The following PRDM4 variants were observed in gnomAD, a reference collection of about 807,000 sequenced individuals.
PRDM4 encodes the protein PR domain zinc finger protein 4.
Under a neutral mutation model 62.3 loss-of-function variants are expected in PRDM4, and 38 were observed. The ratio of observed to expected loss-of-function variants is 0.61; its 90% CI spans 0.47 to 0.80. PRDM4 has a LOEUF of 0.80. PRDM4 is among the 30% of genes least tolerant of loss of function. The pLI, the probability that PRDM4 is intolerant of heterozygous loss-of-function variation, is 0.00. For synonymous variants in PRDM4, 339 were observed against 348.2 expected, an observed-to-expected ratio of 0.97 and a Z score of 0.30; for missense variants, 858 against 997.1, an observed-to-expected ratio of 0.86 and a Z score of 1.88.
At chr12:107,747,951 C>T (rs1018714974) in intron 5 of PRDM4, among the ~76,000 whole-genome samples, 3 of 152,054 alleles carry the variant, frequency 2.0e-5, no homozygotes, top group Non-Finnish European at 4.4e-5. Context: ...CAGGGTTTTG[C>T]CATGTTGCCT....
chr12:107,736,825 T>TGAAG (rs909107666), intron 11 of PRDM4: 2 of 152,282 alleles, frequency 1.3e-5, no homozygotes, highest in South Asian at 2.1e-4. Flanking sequence ...GTTAGTTGAA[T>TGAAG]GAAGGAAGGA....
chr12:107,738,304 C>T (rs1481346153), intron 11 of PRDM4: 2 of 152,138 alleles, frequency 1.3e-5, no homozygotes, highest in African/African-American at 2.4e-5. Flanking sequence ...AAATTTCATG[C>T]TAGCAATGGA....
intron 11 of PRDM4, chr12:107,739,152 A>T (rs779240344): frequency 3.3e-4 from 147 of 445,854 alleles, no homozygotes; most frequent in Admixed American, 5.1e-4. Context: ...AAAAAAGAGT[A>T]CATGTGAAAA....
intron 3 of PRDM4, among the ~76,000 whole-genome samples, chr12:107,756,268 A>G (rs1427725710): frequency 6.6e-6 from 1 of 152,180 alleles, no homozygotes; most frequent in Non-Finnish European, 1.5e-5. Context: ...TCAAAAAAAA[A>G]AGGATAGGAA....
At chr12:107,744,829 G>A (rs1890637136) in intron 6 of PRDM4, 168 bp from the exon 7 acceptor site, 1 of 866,490 alleles carries the variant, frequency 1.2e-6, no homozygotes, top group African/African-American at 1.7e-5. Context: ...GGAGGCCGAG[G>A]TGGGCAGATC....
intron 5 of PRDM4, among the ~76,000 whole-genome samples, chr12:107,748,636 T>C (rs1175732201): frequency 6.6e-6 from 1 of 152,134 alleles, no homozygotes; most frequent in Non-Finnish European, 1.5e-5. Flanking sequence ...GGCAAATCCA[T>C]AGAGACAGAA....
chr12:107,746,049 T>C (rs149898975), intron 6 of PRDM4, among the ~76,000 whole-genome samples: 1 of 152,364 alleles, frequency 6.6e-6, no homozygotes, highest in East Asian at 1.9e-4. Context: ...TTTTTTGCTT[T>C]ACTCAATACT....
At chr12:107,746,960 T>C (rs1243273836) in intron 5 of PRDM4, among the ~76,000 whole-genome samples, 2 of 151,930 alleles carry the variant, frequency 1.3e-5, no homozygotes, top group African/African-American at 2.4e-5. Context: ...ACAGGACAAG[T>C]TTCCTATTCA....
chr12:107,733,255 A>G lies in PRDM4; in HGVS notation c.*955T>C, dbSNP rs1008551445. 1 of 152,262 alleles carries G rather than the reference A, an allele frequency of 6.6e-6. No individual in the cohort carries two copies. The highest frequency in any genetic ancestry group is 6.5e-5 in the Admixed American group (1 of 15,284). The allele number at this position is 152,262 out of a possible 1,614,324, so 9.4% of individuals were successfully genotyped here. A position where few individuals can be genotyped will look rare whatever the true frequency, so the allele number is the denominator to read the frequency against. ...TGGGAAGACCTAACTTTGCACATGCATTAAATAATGTTATTTTGAGTTGGC... is the reference window on the plus strand; with the variant it reads ...TGGGAAGACCTAACTTTGCACATGCGTTAAATAATGTTATTTTGAGTTGGC... On this transcript the variant is annotated 3_prime_UTR_variant, in exon 12 of 12. Coordinates refer to ENST00000228437, the MANE Select transcript of PRDM4 (RefSeq NM_012406.4).
intron 11 of PRDM4, among the ~76,000 whole-genome samples, chr12:107,736,234 T>C (rs962831973): frequency 1.3e-5 from 2 of 152,230 alleles, no homozygotes; most frequent in Non-Finnish European, 2.9e-5. Context: ...GGACAGATTA[T>C]AGCATAAACA....
chr12:107,746,393 C>A lies in PRDM4; in HGVS notation c.1158G>T (p.Ser386=), dbSNP rs145422889. ...WCTLCDRAYP[S]DCPEHGPVTF... ...TCACTGGTCCATGTTCGGGACAGTC[C>A]GAGGGATAGGCGCGGTCACACAGAG... The change falls in exon 6 of 12, where the codon TCG becomes TCT. Residue 386 remains serine (S), a synonymous_variant. Transcript: ENST00000228437. The A allele has an allele frequency of 6.2e-7, 1 of 1,611,938 alleles. No homozygotes were observed. The highest frequency in any genetic ancestry group is 1.1e-5 in the South Asian group (1 of 90,632).
Position 107,756,927 on chromosome 12 carries a change from T to C in PRDM4, c.50A>G (p.Gln17Arg). ...ATTGCTCACAGAGGATGAAGTCAGC[T>C]GCTCCATCCCCACTGGACTCAGGTT... ...EMNLSPVGME[Q>R]LTSSSVSNAL... Residue 17 changes from glutamine (Q) to arginine (R), a missense_variant, in exon 3 of 12, where the codon CAG becomes CGG. Gln to Arg is a conservative substitution (Grantham distance 43). Around this residue, in one of 3 missense-constraint regions of PRDM4, gnomAD observed 499 missense variants for 546.7 expected, o/e 0.91. Transcript: ENST00000228437. 1 of 1,614,182 alleles carries C rather than the reference T, an allele frequency of 6.2e-7. No individual in the cohort carries two copies. The highest frequency in any genetic ancestry group is 8.5e-7 in the Non-Finnish European group (1 of 1,180,010).
Position 107,741,261 on chromosome 12 carries a change from CT to C in PRDM4, c.1610-2del. Reference sequence around the variant, plus strand: ...TGCACATCTGGGTGTTCAGGAACACCTTTTAAAAAAAAATTACTCATTATCT... The same window carrying C: ...TGCACATCTGGGTGTTCAGGAACACCTTTAAAAAAAAATTACTCATTATCT... On this transcript the variant is annotated splice_acceptor_variant, in intron 9 of 11. Transcript: ENST00000228437. LOFTEE classifies it high-confidence loss of function. The C allele has an allele frequency of 6.3e-7, 1 of 1,587,684 alleles. No homozygotes were observed. The highest frequency in any genetic ancestry group is 1.8e-5 in the Admixed American group (1 of 55,514).
Position 107,761,070 on chromosome 12 carries a change from T to A in PRDM4, c.-370A>T, listed in dbSNP as rs1891236157. ...TCGGCCCCCTCACCCCGGGGGCCGC[T>A]GCCCTAACGTTTCCCGTCCCGCCCG... is the stretch of plus-strand genomic sequence containing the variant. On this transcript the variant is annotated 5_prime_UTR_variant, in exon 1 of 12. Transcript: ENST00000228437. 6.6e-6 allele frequency: 1 copy of A among 151,514 alleles called. No homozygotes were observed. Among genetic ancestry groups the A allele is most frequent in the Non-Finnish European group, 1.5e-5 (1 of 67,950 alleles). 9.4% of individuals were successfully genotyped at this position (151,514 alleles called of 1,614,324 possible). A position where few individuals can be genotyped will look rare whatever the true frequency, so the allele number is the denominator to read the frequency against.
In PRDM4 at chr12:107,737,664, A is replaced by T. The variant is rs188753408; in HGVS notation, c.2093+1719T>A. ...ATCAATCTTGCATGTGGATGAAGTCAGTAGTCCTTAACCCTGGCTGGCCAC... is the reference window on the plus strand; with the variant it reads ...ATCAATCTTGCATGTGGATGAAGTCTGTAGTCCTTAACCCTGGCTGGCCAC... On this transcript the variant is annotated intron_variant, in intron 11 of 11. Transcript: ENST00000228437. Among the ~76,000 whole-genome samples the T allele has an allele frequency of 3.0e-4, 46 of 152,370 alleles. 1 individual carries two copies. Among genetic ancestry groups the T allele is most frequent in the Admixed American group, 2.9e-3 (45 of 15,306 alleles).
At chr12:107,749,387 TTC>T (rs1392364025) in intron 5 of PRDM4, among the ~76,000 whole-genome samples, 3 of 141,854 alleles carry the variant, frequency 2.1e-5, no homozygotes, top group African/African-American at 5.1e-5. Context: ...CCTACTTAGT[TTC>T]TGTTTGCTTT....
chr12:107,737,117 T>C (rs1382346482), intron 11 of PRDM4, among the ~76,000 whole-genome samples: 1 of 151,728 alleles, frequency 6.6e-6, no homozygotes, highest in Non-Finnish European at 1.5e-5. Context: ...ACTGTTCTTC[T>C]GCTCACTTCC....
At chr12:107,737,925 T>A (rs753743018) in intron 11 of PRDM4, 1 of 152,244 alleles carries the variant, frequency 6.6e-6, no homozygotes, top group African/African-American at 2.4e-5. Flanking sequence ...TAGGGTTAGA[T>A]GAGGTCATGA....
At chr12:107,753,879 G>A (rs772893313) in intron 4 of PRDM4, 45 bp downstream of exon 4, 1 of 1,539,726 alleles carries the variant, frequency 6.5e-7, no homozygotes, top group Non-Finnish European at 8.8e-7. Context: ...TTAAAAGCTG[G>A]CGCCGTTCTT....
Sources: gnomAD v4.1 joint callset for allele counts (sites outside exome capture counted in the v4.1 genomes callset) on GRCh38, gnomAD v4.1.1 for gene constraint, gnomAD v4.1.1 regional missense constraint, MANE v1.5 for transcripts, NCBI Gene and HGNC (gene_info 2026-07-23, HGNC 2026-07-21) for gene names.